SLC38A2: variants seen among roughly 807,000 people sequenced by gnomAD.
The protein encoded by SLC38A2 is sodium-coupled neutral amino acid symporter 2.
Under a neutral mutation model 61.5 loss-of-function variants are expected in SLC38A2, and 11 were observed. The ratio of observed to expected loss-of-function variants is 0.18; its 90% CI spans 0.11 to 0.30. SLC38A2 has a LOEUF of 0.30. Among genes scored for constraint, SLC38A2 ranks in the 10% least tolerant of loss-of-function variants. The probability of loss-of-function intolerance (pLI) is 1.00; values close to 1 mark genes in which losing one functional copy is unlikely to be tolerated. For synonymous variants in SLC38A2, 217 were observed against 212.5 expected (o/e 1.02, Z -0.18); for missense variants, 522 against 600.4 (o/e 0.87, Z 1.36).
rs1193306807 is a variant in SLC38A2 at position 46,359,438 on chromosome 12, T to G, written c.*1673A>C. ...ACATGTATCTTGTTTGTAAATTTAG[T>G]CACATATAATACAAGAATGCGTAAC... On this transcript the variant is annotated 3_prime_UTR_variant, in exon 16 of 16. Coordinates refer to ENST00000256689, the MANE Select transcript of SLC38A2 (RefSeq NM_018976.5). The G allele has an allele frequency of 6.6e-6, 1 of 152,646 alleles. No homozygotes were observed. The highest frequency in any genetic ancestry group is 2.4e-5 in the African/African-American group (1 of 41,460). 9.5% of individuals were successfully genotyped at this position (152,646 alleles called of 1,614,324 possible).
At chr12:46,371,462 T>G (rs891932998) in intron 1 of SLC38A2, 83 bp from the exon 2 acceptor site, 7 of 602,882 alleles carry the variant, frequency 1.2e-5, no homozygotes, top group Non-Finnish European at 1.8e-5. Context: ...GCAGCGCGGC[T>G]GATTCATCCC....
intron 1 of SLC38A2, 60 bp downstream of exon 1, chr12:46,372,449 C>G: frequency 2.7e-6 from 1 of 375,488 alleles, no homozygotes; most frequent in East Asian, 3.7e-5. Context: ...CCGGAAGCCC[C>G]TCCCCCACTC....
intron 7 of SLC38A2, among the ~76,000 whole-genome samples, 156 bp downstream of exon 7, chr12:46,366,708 G>A (rs376384724): frequency 2.6e-5 from 4 of 152,272 alleles, no homozygotes; most frequent in South Asian, 2.1e-4. Context: ...TCCAAAGTTC[G>A]AATCAGTTTA....
At position 46,365,300 on chromosome 12, in the gene SLC38A2, A is replaced by T. The variant is rs1455173634; in HGVS notation, c.564-111T>A. ...AATACCATGAAAACAAACACACAAA[A>T]AAGACATGTTTGGAAAAAGTTTCCC... is the stretch of plus-strand genomic sequence containing the variant. On this transcript the variant is annotated intron_variant, in intron 7 of 15. Coordinates refer to ENST00000256689, the MANE Select transcript of SLC38A2 (RefSeq NM_018976.5). The T allele has an allele frequency of 5.6e-6, 5 of 893,694 alleles. No homozygotes were observed. The African/African-American group carries it at 6.8e-5, about 12-fold the overall frequency. The allele number at this position is 893,694 out of a possible 1,614,324, so 55.4% of individuals were successfully genotyped here. A position where few individuals can be genotyped will look rare whatever the true frequency, so the allele number is the denominator to read the frequency against.
intron 11 of SLC38A2, 46 bp from the exon 12 acceptor site, chr12:46,363,872 T>TA: frequency 6.3e-7 from 1 of 1,592,216 alleles, no homozygotes; most frequent in Non-Finnish European, 8.5e-7. Flanking sequence ...CAGCAGCAGT[T>TA]ACAGCAATTG....
chr12:46,371,677 T>C, intron 1 of SLC38A2: 1 of 230,190 alleles, frequency 4.3e-6, no homozygotes, highest in Non-Finnish European at 8.5e-6. Context: ...GAGGGGGGGT[T>C]CTGTTTTGCT....
intron 8 of SLC38A2, 143 bp downstream of exon 8, chr12:46,364,964 C>A (rs1943124316): frequency 2.5e-6 from 2 of 814,098 alleles, no homozygotes; most frequent in African/African-American, 3.5e-5. Context: ...ATTTTGGCTC[C>A]TAAATTTTGC....
Position 46,361,122 on chromosome 12 carries a change from C to G in SLC38A2, c.1510G>C (p.Gly504Arg). Reference sequence around the variant, plus strand: ...TTGAGTGGTGCCAATTAATGGCCACCTCCAGGTGCATTGTGTACCCAATCC... The same window carrying G: ...TTGAGTGGTGCCAATTAATGGCCACGTCCAGGTGCATTGTGTACCCAATCC... ...VLDWVHNAPGGGH is the reference protein window; with the variant it reads ...VLDWVHNAPGRGH The change falls in exon 16 of 16, where the codon GGT becomes CGT. Residue 504 changes from glycine (G) to arginine (R), a missense_variant. By Grantham distance (125) the Gly-to-Arg change is moderately radical. Transcript: ENST00000256689. 1 of 1,613,260 alleles carries G rather than the reference C, an allele frequency of 6.2e-7. No homozygotes were observed. The highest frequency in any genetic ancestry group is 1.1e-5 in the South Asian group (1 of 91,018).
chr12:46,365,250 C>T, intron 7 of SLC38A2, 61 bp from the exon 8 acceptor site: 1 of 1,286,122 alleles, frequency 7.8e-7, no homozygotes, highest in Non-Finnish European at 1.1e-6. Flanking sequence ...ATATACACAT[C>T]TTCTAACAGG....
At chr12:46,362,791 G>T in intron 13 of SLC38A2, 153 bp from the exon 14 acceptor site, 1 of 987,978 alleles carries the variant, frequency 1.0e-6, no homozygotes, top group Non-Finnish European at 1.4e-6. Context: ...TTTCTCTGCT[G>T]TTTCCTGAAC....
intron 4 of SLC38A2, 73 bp downstream of exon 4, chr12:46,370,439 G>C: frequency 8.6e-7 from 1 of 1,163,706 alleles, no homozygotes; most frequent in Non-Finnish European, 1.3e-6. Context: ...TGTAAATTCA[G>C]TTTCTGGAGC....
intron 7 of SLC38A2, chr12:46,365,419 C>T (rs2120545406): frequency 9.0e-6 from 5 of 554,060 alleles, no homozygotes; most frequent in Non-Finnish European, 1.6e-5. Flanking sequence ...ACTTTTGTCC[C>T]ACTACTTGCT....
At chr12:46,367,904 A>G (rs1047696771) in intron 4 of SLC38A2, among the ~76,000 whole-genome samples, 3 of 152,108 alleles carry the variant, frequency 2.0e-5, no homozygotes, top group African/African-American at 7.2e-5. Context: ...AGGCTGGGGC[A>G]GGATGACTGC....
chr12:46,363,714 G>A lies in SLC38A2; in HGVS notation c.1054+12C>T. Reference sequence around the variant, plus strand: ...TTTTTGTTTTTGTTTTGGTAAAGGAGGCGTTACTTACCGTAAAATGTTAGG... The same window carrying A: ...TTTTTGTTTTTGTTTTGGTAAAGGAAGCGTTACTTACCGTAAAATGTTAGG... On this transcript the variant is annotated intron_variant, in intron 12 of 15. Coordinates refer to ENST00000256689, the MANE Select transcript of SLC38A2 (RefSeq NM_018976.5). The A allele has an allele frequency of 2.0e-6, 3 of 1,516,360 alleles. No individual in the cohort carries two copies. The highest frequency in any genetic ancestry group is 2.8e-5 in the African/African-American group (2 of 71,000). 93.9% of individuals were successfully genotyped at this position (1,516,360 alleles called of 1,614,324 possible). A position where few individuals can be genotyped will look rare whatever the true frequency, so the allele number is the denominator to read the frequency against.
rs139363111 is a variant in SLC38A2, at chr12:46,362,353, A to G, written c.1353T>C (p.Phe451=). ...IGASAASMLI[F]ILPSAFYIKL... is the part of the protein sequence containing the mutation. ...TGATATAGAAGGCAGAAGGAAGAATAAAAATCAACATAGAAGCTGCAGATG... is the reference window on the plus strand; with the variant it reads ...TGATATAGAAGGCAGAAGGAAGAATGAAAATCAACATAGAAGCTGCAGATG... The change falls in exon 15 of 16, where the codon TTT becomes TTC. Residue 451 remains phenylalanine, a synonymous_variant. Transcript: ENST00000256689. 51 of 1,612,106 alleles carry G rather than the reference A, an allele frequency of 3.2e-5. No individual in the cohort carries two copies. The highest frequency in any genetic ancestry group is 4.2e-5 in the Non-Finnish European group (50 of 1,179,106).
chr12:46,361,134 T>C lies in SLC38A2; in HGVS notation c.1498A>G (p.Asn500Asp). 6.2e-7 allele frequency: 1 copy of C among 1,613,464 alleles called. No individual in the cohort carries two copies. The highest frequency in any genetic ancestry group is 1.1e-5 in the South Asian group (1 of 91,048). The change falls in exon 16 of 16, where the codon AAT becomes GAT. Residue 500 changes from asparagine (N) to aspartate (D), a missense_variant. By Grantham distance (23) the Asn-to-Asp change is conservative (BLOSUM62 1). This residue lies in a region of SLC38A2 where 309 missense variants were observed against 343.9 expected (regional missense o/e 0.90). Coordinates refer to ENST00000256689, the MANE Select transcript of SLC38A2 (RefSeq NM_018976.5). ...MALIVLDWVH[N>D]APGGGH ...AATTAATGGCCACCTCCAGGTGCAT[T>C]GTGTACCCAATCCAAAACAATCAAG...
Position 46,372,408 on chromosome 12 carries a change from A to ACC in SLC38A2, c.-87+99_-87+100dup, listed in dbSNP as rs1592209583. 9.3e-6 allele frequency: 3 copies of ACC among 323,426 alleles called. No homozygotes were observed. In the East Asian group the frequency reaches 1.3e-4, roughly 14 times the overall value. 20.0% of individuals were successfully genotyped at this position (323,426 alleles called of 1,614,324 possible). On this transcript the variant is annotated intron_variant, in intron 1 of 15. Coordinates refer to ENST00000256689, the MANE Select transcript of SLC38A2 (RefSeq NM_018976.5). ...CAACGCCCGCCTCGAAAGGAAACGG[A>ACC]CCCCGCGGCCGCCTTCCCGCGCGGC...
chr12:46,365,805 C>G (rs1316736900), intron 7 of SLC38A2, among the ~76,000 whole-genome samples: 1 of 152,024 alleles, frequency 6.6e-6, no homozygotes, highest in Non-Finnish European at 1.5e-5. Flanking sequence ...CCAAAGACAG[C>G]CAAAAATATC....
In SLC38A2 at chr12:46,360,358, T is replaced by G. The variant is rs536952348; in HGVS notation, c.*753A>C. 6.6e-6 allele frequency: 1 copy of G among 152,368 alleles called. No individual in the cohort carries two copies. The highest frequency in any genetic ancestry group is 2.4e-5 in the African/African-American group (1 of 41,558). 9.4% of individuals were successfully genotyped at this position (152,368 alleles called of 1,614,324 possible). A position where few individuals can be genotyped will look rare whatever the true frequency, so the allele number is the denominator to read the frequency against. On this transcript the variant is annotated 3_prime_UTR_variant, in exon 16 of 16. Transcript: ENST00000256689. Reference sequence around the variant, plus strand: ...CAGAGAAGAAAAGTGATGAACAGAGTTCATCTGATTTGGTATAGCAATAAT... The same window carrying G: ...CAGAGAAGAAAAGTGATGAACAGAGGTCATCTGATTTGGTATAGCAATAAT...
Sources: allele counts gnomAD v4.1 joint callset (sites outside exome capture counted in the v4.1 genomes callset), GRCh38; gene constraint gnomAD v4.1.1; regional missense constraint gnomAD v4.1.1; transcripts MANE v1.5; gene names NCBI Gene and HGNC (gene_info 2026-07-23, HGNC 2026-07-21).